The following MILR1 variants were observed in gnomAD, a reference collection of about 807,000 sequenced individuals.
MILR1 encodes the protein mast cell immunoglobulin like receptor 1.
A neutral mutation model predicts 18.5 loss-of-function variants in MILR1; 31 were observed. The observed-to-expected ratio is 1.68, with a 90% CI of 1.26 to 2.26. The LOEUF (loss-of-function observed/expected upper bound fraction) is 2.26. MILR1 is among the 30% of genes most tolerant of loss of function. The pLI, the probability that MILR1 is intolerant of heterozygous loss-of-function variation, is 0.00. For synonymous variants in MILR1, 85 were observed against 56.2 expected, an observed-to-expected ratio of 1.51 and a Z score of -2.30; for missense variants, 257 against 157.4, an observed-to-expected ratio of 1.63 and a Z score of -3.38.
chr17:64,467,599 T>A lies in MILR1; in HGVS notation c.1014T>A (p.Tyr338Ter). Residue 338 changes from tyrosine (Y) to a stop codon, truncating the protein, a stop_gained, in exon 9 of 10, where the codon TAT becomes TAA. Transcript: ENST00000619286. LOFTEE classifies it high-confidence loss of function. ...ATTCTTATAAATCTGGATATGTCTA[T>A]TCTGAACTCAACTTCTGAAATTTAC... ...ACDSYKSGYV[Y>*]SELNF The A allele has an allele frequency of 6.4e-7, 1 of 1,563,352 alleles. No individual in the cohort carries two copies. The highest frequency in any genetic ancestry group is 8.7e-7 in the Non-Finnish European group (1 of 1,145,260).
At chr17:64,475,938 C>G in the MILR1 span, among the ~76,000 whole-genome samples, 1 of 151,052 alleles carries the variant, frequency 6.6e-6, no homozygotes, top group Non-Finnish European at 1.5e-5. Flanking sequence ...CTCAGCCTCC[C>G]AAGTAGCTGG....
chr17:64,466,364 C>T (rs530870494), intron 6 of MILR1, 78 bp from the exon 7 acceptor site: 85 of 1,205,310 alleles, frequency 7.1e-5, no homozygotes, highest in Middle Eastern at 6.6e-4. Flanking sequence ...ACATTCCAGA[C>T]GCATTGCTGA....
chr17:64,459,996 ATTTATTT>A (rs2037391428), intron 4 of MILR1, among the ~76,000 whole-genome samples: 3 of 38,588 alleles, frequency 7.8e-5, no homozygotes, highest in African/African-American at 4.4e-4. Context: ...ATTTTATTTT[ATTTATTT>A]ATTTATTTAT....
chr17:64,460,063 T>C (rs2037397374), intron 4 of MILR1, among the ~76,000 whole-genome samples: 1 of 151,350 alleles, frequency 6.6e-6, no homozygotes, highest in African/African-American at 2.4e-5. Context: ...GGAGTCTCAC[T>C]CACCCAGTCT....
chr17:64,458,451 G>A (rs1283201148), intron 4 of MILR1, among the ~76,000 whole-genome samples: 1 of 151,820 alleles, frequency 6.6e-6, no homozygotes, highest in East Asian at 1.9e-4. Flanking sequence ...GGCCCCAAGC[G>A]ATCTGCCCAC....
At chr17:64,460,427 T>C (rs1191329130) in intron 4 of MILR1, among the ~76,000 whole-genome samples, 1 of 152,152 alleles carries the variant, frequency 6.6e-6, no homozygotes, top group Admixed American at 6.5e-5. Context: ...AGTCTCCACC[T>C]CCCGGGCTCA....
chr17:64,482,591 T>C, the MILR1 span, among the ~76,000 whole-genome samples: 6 of 152,348 alleles, frequency 3.9e-5, no homozygotes, highest in African/African-American at 1.4e-4. Flanking sequence ...GTGCTGGGAT[T>C]ACAGGCGTGA....
At chr17:64,491,541 G>A in the MILR1 span, 4 of 1,548,202 alleles carry the variant, frequency 2.6e-6, no homozygotes, top group Non-Finnish European at 3.6e-6. Flanking sequence ...AGTTGTACCA[G>A]TGAAGGACAA....
At chr17:64,460,369 G>C (rs1052154699) in intron 4 of MILR1, among the ~76,000 whole-genome samples, 21 of 151,384 alleles carry the variant, frequency 1.4e-4, no homozygotes, top group African/African-American at 2.2e-4. Context: ...ACAGGGTCTG[G>C]TTCTGTCCCT....
rs1210793484 is a variant in MILR1 at position 64,449,363 on chromosome 17, T to C, written c.97+8T>C. The C allele has an allele frequency of 4.3e-6, 2 of 466,700 alleles. No homozygotes were observed. The highest frequency in any genetic ancestry group is 1.5e-4 in the South Asian group (2 of 13,524). The allele number at this position is 466,700 out of a possible 1,614,324, so 28.9% of individuals were successfully genotyped here. A position where few individuals can be genotyped will look rare whatever the true frequency, so the allele number is the denominator to read the frequency against. ...AGGCAATGAAAACAAATGGTAAGTTTCATTTACTTCTTTCTTATTGAAACC... is the reference window on the plus strand; with the variant it reads ...AGGCAATGAAAACAAATGGTAAGTTCCATTTACTTCTTTCTTATTGAAACC... On this transcript the variant is annotated splice_region_variant and intron_variant, in intron 2 of 9. Coordinates refer to ENST00000619286, the MANE Select transcript of MILR1 (RefSeq NM_001085423.2).
At chr17:64,496,507 G>A in the MILR1 span, 2 of 1,612,844 alleles carry the variant, frequency 1.2e-6, no homozygotes, top group East Asian at 2.2e-5. Flanking sequence ...GCAAGATTTC[G>A]CGTAGAGTTT....
the MILR1 span, among the ~76,000 whole-genome samples, chr17:64,478,628 T>G: frequency 1.3e-4 from 20 of 152,322 alleles, no homozygotes; most frequent in East Asian, 3.5e-3. Context: ...CTGGGCGTGG[T>G]GACTCATGCC....
Position 64,466,425 on chromosome 17 carries a change from T to C in MILR1, c.854-17T>C. The C allele has an allele frequency of 6.2e-7, 1 of 1,611,694 alleles. No individual in the cohort carries two copies. The highest frequency in any genetic ancestry group is 1.3e-5 in the African/African-American group (1 of 75,028). On this transcript the variant is annotated splice_polypyrimidine_tract_variant and intron_variant, in intron 6 of 9. Coordinates refer to ENST00000619286, the MANE Select transcript of MILR1 (RefSeq NM_001085423.2). Reference sequence around the variant, plus strand: ...AAACGCCACCAACCCCCAATTTATGTCATTCTCATTTTACAGAGGAGGAAT... The same window carrying C: ...AAACGCCACCAACCCCCAATTTATGCCATTCTCATTTTACAGAGGAGGAAT...
chr17:64,493,202 G>T, the MILR1 span, among the ~76,000 whole-genome samples: 2 of 152,144 alleles, frequency 1.3e-5, no homozygotes, highest in Non-Finnish European at 2.9e-5. Context: ...CAGATTGCTT[G>T]AGCTCAGGAG....
chr17:64,481,783 G>A, the MILR1 span, among the ~76,000 whole-genome samples: 1 of 152,072 alleles, frequency 6.6e-6, no homozygotes, highest in East Asian at 1.9e-4. Context: ...GCTGAGGCAG[G>A]AGAATTGCTT....
At chr17:64,475,538 C>T in the MILR1 span, among the ~76,000 whole-genome samples, 1 of 151,402 alleles carries the variant, frequency 6.6e-6, no homozygotes, top group East Asian at 2.0e-4. Context: ...ATCCCAGCTA[C>T]TTGGAAAGGC....
chr17:64,493,345 A>T, the MILR1 span, among the ~76,000 whole-genome samples: 1 of 152,062 alleles, frequency 6.6e-6, no homozygotes, highest in Non-Finnish European at 1.5e-5. Flanking sequence ...TTAGTCTGGG[A>T]GGCCAAGGTT....
At position 64,460,865 on chromosome 17, in the gene MILR1, G is replaced by C; in HGVS notation, c.696G>C (p.Gly232=). The C allele has an allele frequency of 2.1e-6, 1 of 475,258 alleles. No individual in the cohort carries two copies. Among genetic ancestry groups the C allele is most frequent in the Non-Finnish European group, 3.9e-6 (1 of 258,926 alleles). The allele number at this position is 475,258 out of a possible 1,614,324, so 29.4% of individuals were successfully genotyped here. ...TCTGTCTGAAGCTACTACTTCCAGG[G>C]TTATTACTGTTGCTGGTGGTGATAA... The part of the protein sequence containing the change: ...CPFCLKLLLP[G]LLLLLVVIIL... Residue 232 remains glycine (G), a synonymous_variant, in exon 5 of 10, where the codon GGG becomes GGC. Coordinates refer to ENST00000619286, the MANE Select transcript of MILR1 (RefSeq NM_001085423.2).
chr17:64,482,191 C>T, the MILR1 span, among the ~76,000 whole-genome samples: 3 of 150,316 alleles, frequency 2.0e-5, no homozygotes, highest in Non-Finnish European at 3.0e-5. Context: ...GCAACCTCCA[C>T]CTCCCAGGTT....
Sources: allele counts gnomAD v4.1 joint callset (sites outside exome capture counted in the v4.1 genomes callset), GRCh38; gene constraint gnomAD v4.1.1; transcripts MANE v1.5; gene names NCBI Gene and HGNC (gene_info 2026-07-23, HGNC 2026-07-21).